ELAVL2: variants seen among roughly 807,000 people sequenced by gnomAD.
ELAVL2 encodes ELAV-like protein 2.
ELAVL2 carries 4 observed loss-of-function variants against 34.6 expected under a neutral mutation model. The ratio of observed to expected loss-of-function variants is 0.12; its 90% CI spans 0.06 to 0.26. The LOEUF is 0.26. Among genes scored for constraint, ELAVL2 ranks in the 10% least tolerant of loss-of-function variants. The pLI, the probability that ELAVL2 is intolerant of heterozygous loss-of-function variation, is 1.00. For synonymous variants in ELAVL2, 193 were observed against 154.8 expected (o/e 1.25, Z -1.83); for missense variants, 432 against 442.8 (o/e 0.98, Z 0.22).
At chr9:23,708,719 G>A (rs1447675905) in intron 3 of ELAVL2, among the ~76,000 whole-genome samples, 1 of 152,130 alleles carries the variant, frequency 6.6e-6, no homozygotes, top group Non-Finnish European at 1.5e-5. Context: ...TCGGCTCACT[G>A]TAACCTCTGC....
chr9:23,801,555 G>A (rs1451276889), intron 1 of ELAVL2, among the ~76,000 whole-genome samples: 1 of 152,136 alleles, frequency 6.6e-6, no homozygotes, highest in Non-Finnish European at 1.5e-5. Flanking sequence ...CAACAGAAGT[G>A]TCCTAGCTAA....
intron 1 of ELAVL2, among the ~76,000 whole-genome samples, chr9:23,770,905 T>C (rs933147593): frequency 1.3e-5 from 2 of 152,198 alleles, no homozygotes; most frequent in Admixed American, 6.5e-5. Context: ...AGTGCAAAGC[T>C]TGTCTGCTGT....
At chr9:23,747,321 T>C (rs1564244094) in intron 2 of ELAVL2, among the ~76,000 whole-genome samples, 2 of 152,124 alleles carry the variant, frequency 1.3e-5, no homozygotes, top group Admixed American at 6.6e-5. Context: ...TCAAAACTTA[T>C]GGATTGTTTA....
At chr9:23,813,053 C>A (rs1356571254) in intron 1 of ELAVL2, among the ~76,000 whole-genome samples, 1 of 152,178 alleles carries the variant, frequency 6.6e-6, no homozygotes, top group East Asian at 1.9e-4. Flanking sequence ...AGGCTCCACA[C>A]TGACATTTTC....
chr9:23,747,339 G>C (rs1588044282), intron 2 of ELAVL2, among the ~76,000 whole-genome samples: 2 of 152,064 alleles, frequency 1.3e-5, no homozygotes, highest in Admixed American at 1.3e-4. Context: ...TTATTTCTGG[G>C]ATTTTCCATT....
intron 1 of ELAVL2, among the ~76,000 whole-genome samples, chr9:23,806,660 A>G (rs974636665): frequency 1.3e-5 from 2 of 152,164 alleles, no homozygotes; most frequent in Non-Finnish European, 2.9e-5. Flanking sequence ...GACCCACTAT[A>G]TTCAGAAAAC....
In ELAVL2 at chr9:23,710,638, C is replaced by T. The variant is rs2040668445; in HGVS notation, c.334-5567G>A. Among the ~76,000 whole-genome samples the T allele has an allele frequency of 2.0e-5, 3 of 152,298 alleles. No individual in the cohort carries two copies. The South Asian group carries it at 6.2e-4, about 32-fold the overall frequency. ...TTAAACCTGAAAATTAGACACTTGCCACTTTAGACTTTTTTCAAAAAGCTC... is the reference window on the plus strand; with the variant it reads ...TTAAACCTGAAAATTAGACACTTGCTACTTTAGACTTTTTTCAAAAAGCTC... On this transcript the variant is annotated intron_variant, in intron 3 of 6. Transcript: ENST00000397312.
intron 2 of ELAVL2, among the ~76,000 whole-genome samples, chr9:23,758,868 G>C (rs543612080): frequency 1.3e-5 from 2 of 151,986 alleles, no homozygotes; most frequent in African/African-American, 4.8e-5. Flanking sequence ...TCCTAAACTT[G>C]TCTGTCAATA....
rs12336791 is a variant in ELAVL2 at position 23,697,651 on chromosome 9, C to T, written c.713+3728G>A. 8.5e-3 allele frequency among the ~76,000 whole-genome samples: 1,296 copies of T among 152,034 alleles called. 18 individuals are homozygous for T. Among genetic ancestry groups the T allele is most frequent in the African/African-American group, 0.028 (1,181 of 41,458 alleles). On this transcript the variant is annotated intron_variant, in intron 5 of 6. Transcript: ENST00000397312. ...TAACCTGTCAAAATTTTGAACAGAA[C>T]CATGTATCAGATCATTCCTATTTTA...
intron 1 of ELAVL2, among the ~76,000 whole-genome samples, chr9:23,781,836 C>T (rs1440523173): frequency 2.0e-5 from 3 of 152,048 alleles, no homozygotes; most frequent in Non-Finnish European, 4.4e-5. Context: ...CGGCAACCGC[C>T]ACCACGCCCG....
At chr9:23,718,769 A>G (rs1235819898) in intron 3 of ELAVL2, among the ~76,000 whole-genome samples, 1 of 152,206 alleles carries the variant, frequency 6.6e-6, no homozygotes, top group Admixed American at 6.5e-5. Flanking sequence ...TAAGTCTACC[A>G]AGATATTTCT....
At chr9:23,695,790 G>A (rs2034958740) in intron 5 of ELAVL2, among the ~76,000 whole-genome samples, 2 of 152,156 alleles carry the variant, frequency 1.3e-5, no homozygotes, top group Non-Finnish European at 2.9e-5. Context: ...GATATCACTA[G>A]ACAATAGGAA....
intron 2 of ELAVL2, among the ~76,000 whole-genome samples, chr9:23,751,610 T>C (rs1307257618): frequency 2.0e-5 from 3 of 152,168 alleles, no homozygotes; most frequent in African/African-American, 7.2e-5. Context: ...TTTAGTATAG[T>C]ATTTACGTTT....
intron 2 of ELAVL2, among the ~76,000 whole-genome samples, chr9:23,742,213 G>A (rs149587173): frequency 6.6e-6 from 1 of 152,220 alleles, no homozygotes; most frequent in East Asian, 1.9e-4. Context: ...ATCAGGCAGG[G>A]CTTACGATTT....
intron 3 of ELAVL2, among the ~76,000 whole-genome samples, chr9:23,714,559 C>A (rs925725862): frequency 4.6e-5 from 7 of 152,182 alleles, no homozygotes; most frequent in Non-Finnish European, 8.8e-5. Context: ...AATTTTATTT[C>A]TCCCATCAAG....
At chr9:23,754,444 AG>A (rs1390341433) in intron 2 of ELAVL2, among the ~76,000 whole-genome samples, 1 of 151,708 alleles carries the variant, frequency 6.6e-6, no homozygotes, top group Non-Finnish European at 1.5e-5. Flanking sequence ...TTTGGCATTA[AG>A]TTTTTTTTTT....
In ELAVL2 at chr9:23,700,526, G is replaced by A. The variant is rs115268332; in HGVS notation, c.713+853C>T. 2.9e-3 allele frequency among the ~76,000 whole-genome samples: 442 copies of A among 152,306 alleles called. 1 individual carries two copies. Among genetic ancestry groups the A allele is most frequent in the African/African-American group, 9.8e-3 (407 of 41,576 alleles). On this transcript the variant is annotated intron_variant, in intron 5 of 6. Transcript: ENST00000397312. ...AGCCACGGTCATTCTATGAACTACA[G>A]AGAGGTCAGTAAATTACAACCGACA...
rs76958444 is a variant in ELAVL2, at chr9:23,696,630, C to T, written c.714-3144G>A. The stretch of plus-strand genomic sequence containing the variant: ...ACTACAGGCACCCAACCACCACGTC[C>T]GGCTAATTTTTTTTGTATTTTTAGT... On this transcript the variant is annotated intron_variant, in intron 5 of 6. Transcript: ENST00000397312. Among the ~76,000 whole-genome samples the T allele has an allele frequency of 8.0e-5, 12 of 150,326 alleles. No homozygotes were observed. The East Asian group carries it at 1.6e-3, about 20-fold the overall frequency.
At chr9:23,788,754 C>CA (rs1564471456) in intron 1 of ELAVL2, among the ~76,000 whole-genome samples, 1 of 152,156 alleles carries the variant, frequency 6.6e-6, no homozygotes, top group Non-Finnish European at 1.5e-5. Flanking sequence ...ACGAGCAGTG[C>CA]AATACCTCGA....
Sources: allele counts gnomAD v4.1 joint callset (sites outside exome capture counted in the v4.1 genomes callset), GRCh38; gene constraint gnomAD v4.1.1; transcripts MANE v1.5; gene names NCBI Gene and HGNC (gene_info 2026-07-23, HGNC 2026-07-21).